The following NTM variants were observed in gnomAD, a reference collection of about 807,000 sequenced individuals.
The protein encoded by NTM is IgLON family member 2.
In NTM, 13 loss-of-function variants were observed where a neutral mutation model predicts 42.1. The observed-to-expected ratio is 0.31, with a 90% CI of 0.20 to 0.49. NTM has a LOEUF of 0.49. Ranked by LOEUF, NTM falls within the 20% of genes least tolerant of loss-of-function variation. NTM has a pLI of 0.99. For synonymous variants in NTM, 187 were observed against 179.2 expected, an observed-to-expected ratio of 1.04 and a Z score of -0.35; for missense variants, 373 against 452.8, an observed-to-expected ratio of 0.82 and a Z score of 1.60.
chr11:131,669,948 T>C (rs1463512209), intron 1 of NTM, among the ~76,000 whole-genome samples: 1 of 152,186 alleles, frequency 6.6e-6, no homozygotes, highest in Non-Finnish European at 1.5e-5. Flanking sequence ...GAAGCAAAGA[T>C]GCTGGCACTC....
intron 1 of NTM, among the ~76,000 whole-genome samples, chr11:131,612,722 T>C (rs1004360993): frequency 6.6e-6 from 1 of 152,214 alleles, no homozygotes; most frequent in Non-Finnish European, 1.5e-5. Flanking sequence ...GCTTCTGTGG[T>C]TAAACTTAGC....
intron 1 of NTM, among the ~76,000 whole-genome samples, chr11:131,552,184 AAG>A (rs747712168): frequency 2.0e-5 from 3 of 152,088 alleles, no homozygotes; most frequent in African/African-American, 4.8e-5. Flanking sequence ...AGAAGAGGAA[AAG>A]AGAGAGAGAG....
intron 2 of NTM, among the ~76,000 whole-genome samples, chr11:131,962,435 C>A (rs1236424702): frequency 6.6e-6 from 1 of 152,114 alleles, no homozygotes; most frequent in Non-Finnish European, 1.5e-5. Context: ...GGTTGGAGCC[C>A]TCATAATGGA....
At chr11:132,109,982 T>C (rs184479484) in intron 2 of NTM, among the ~76,000 whole-genome samples, 1 of 152,300 alleles carries the variant, frequency 6.6e-6, no homozygotes, top group East Asian at 1.9e-4. Flanking sequence ...TGCTTACCAT[T>C]TGGGTTTCAG....
chr11:132,188,677 A>G (rs541594208), intron 3 of NTM, among the ~76,000 whole-genome samples: 2 of 152,328 alleles, frequency 1.3e-5, no homozygotes, highest in South Asian at 4.1e-4. Flanking sequence ...GTTGTTGCAA[A>G]CAGTTCCCCA....
At chr11:132,060,344 G>A (rs1256213994) in intron 2 of NTM, among the ~76,000 whole-genome samples, 2 of 152,206 alleles carry the variant, frequency 1.3e-5, no homozygotes, top group Non-Finnish European at 2.9e-5. Flanking sequence ...CTGAAGACAA[G>A]GAGACATTAT....
chr11:131,850,453 C>T (rs1287523987), intron 1 of NTM, among the ~76,000 whole-genome samples: 3 of 152,152 alleles, frequency 2.0e-5, no homozygotes, highest in Admixed American at 1.3e-4. Context: ...CTCTTGGCCC[C>T]TGCAGAATAC....
At chr11:132,133,934 G>C (rs7104573) in intron 2 of NTM, among the ~76,000 whole-genome samples, 27,900 of 152,054 alleles carry the variant, frequency 0.18, 3,198 homozygotes, top group African/African-American at 0.32. Flanking sequence ...TTTCTTCCTC[G>C]GTGTTCTCTC....
At chr11:132,204,321 G>T (rs1471425917) in intron 3 of NTM, among the ~76,000 whole-genome samples, 1 of 152,236 alleles carries the variant, frequency 6.6e-6, no homozygotes, top group African/African-American at 2.4e-5. Flanking sequence ...GTTTGCATTT[G>T]CATACAGCCT....
intron 1 of NTM, among the ~76,000 whole-genome samples, chr11:131,405,589 C>T (rs1315742302): frequency 6.6e-6 from 1 of 152,194 alleles, no homozygotes; most frequent in Non-Finnish European, 1.5e-5. Flanking sequence ...TGCCTGAACT[C>T]CTGCAGTTGC....
rs2070423976 is a variant in NTM at position 132,146,395 on chromosome 11, C to A, written c.281C>A (p.Thr94Asn). 1.9e-6 allele frequency: 3 copies of A among 1,614,176 alleles called. No individual in the cohort carries two copies. Among genetic ancestry groups the A allele is most frequent in the Non-Finnish European group, 2.5e-6 (3 of 1,180,038 alleles). Residue 94 changes from threonine (T) to asparagine (N), a missense_variant, in exon 3 of 9, where the codon ACC (threonine) becomes AAC (asparagine). Transcript: ENST00000683400. This position sits in a 1 kb window ranked among gnomAD's most constrained non-coding sequence, Gnocchi z 4.5. ...CCTCGCGTGGTCCTTCTGAGCAACA[C>A]CCAAACGCAGTACAGCATCGAGATC... ...LDPRVVLLSN[T>N]QTQYSIEIQN...
At chr11:131,674,751 C>T (rs923893641) in intron 1 of NTM, among the ~76,000 whole-genome samples, 3 of 152,200 alleles carry the variant, frequency 2.0e-5, no homozygotes, top group African/African-American at 4.8e-5. Flanking sequence ...TGTAATGCTG[C>T]TTCTCTGAAA....
At chr11:131,980,036 G>A (rs1052005380) in intron 2 of NTM, among the ~76,000 whole-genome samples, 3 of 152,174 alleles carry the variant, frequency 2.0e-5, no homozygotes, top group African/African-American at 2.4e-5. Context: ...GATGCACAAC[G>A]ATTCCTTGCT....
At chr11:131,947,138 A>C (rs2060432333) in intron 2 of NTM, among the ~76,000 whole-genome samples, 2 of 152,286 alleles carry the variant, frequency 1.3e-5, no homozygotes, top group South Asian at 2.1e-4. Context: ...AAAAATGTCT[A>C]ATTTATATAT....
At chr11:131,756,830 T>A (rs2083407338) in intron 1 of NTM, among the ~76,000 whole-genome samples, 2 of 152,316 alleles carry the variant, frequency 1.3e-5, no homozygotes, top group Admixed American at 1.3e-4. Flanking sequence ...GGGTACTGGG[T>A]GAAATTTATG....
chr11:131,854,407 G>C (rs1296530687), intron 1 of NTM, among the ~76,000 whole-genome samples: 1 of 152,260 alleles, frequency 6.6e-6, no homozygotes, highest in African/African-American at 2.4e-5. Context: ...GTACAGGATA[G>C]CTGGGGAATT....
intron 1 of NTM, among the ~76,000 whole-genome samples, chr11:131,706,283 A>T (rs868567074): frequency 4.6e-5 from 7 of 152,040 alleles, no homozygotes; most frequent in Non-Finnish European, 7.4e-5. Flanking sequence ...CATGAAGAGG[A>T]TATAACAATT....
intron 4 of NTM, among the ~76,000 whole-genome samples, chr11:132,242,567 T>G (rs904900180): frequency 2.6e-5 from 4 of 152,220 alleles, no homozygotes; most frequent in African/African-American, 9.6e-5. Flanking sequence ...TTCCCCTCCC[T>G]CAGGTGCCCT....
intron 1 of NTM, among the ~76,000 whole-genome samples, chr11:131,888,804 G>A (rs561068952): frequency 6.6e-6 from 1 of 152,286 alleles, no homozygotes; most frequent in South Asian, 2.1e-4. Context: ...TTTCCAGCCT[G>A]TGGGGTAGGT....
Sources: allele counts gnomAD v4.1 joint callset (sites outside exome capture counted in the v4.1 genomes callset), GRCh38; gene constraint gnomAD v4.1.1; non-coding constraint Gnocchi (gnomAD v3.1); transcripts MANE v1.5; gene names NCBI Gene and HGNC (gene_info 2026-07-23, HGNC 2026-07-21).